VEGFD: variants seen among roughly 807,000 people sequenced by gnomAD.
VEGFD encodes the protein vascular endothelial growth factor D, also known as c-fos induced growth factor (vascular endothelial growth factor D).
In VEGFD, 26 loss-of-function variants were observed where a neutral mutation model predicts 28.0. That is an observed-to-expected ratio of 0.93 (90% CI 0.68 to 1.29). The LOEUF is 1.29. Ranked by LOEUF, VEGFD falls within the 50% of genes most tolerant of loss-of-function variation. The pLI is 0.00. For synonymous variants in VEGFD, 93 were observed against 95.5 expected (o/e 0.97, Z 0.15); for missense variants, 294 against 273.4 (o/e 1.08, Z -0.53).
chrX:15,365,157 G>A (rs1000438451), intron 1 of VEGFD, among the ~76,000 whole-genome samples: 2 of 111,965 alleles, frequency 1.8e-5, no homozygotes, highest in African/African-American at 3.2e-5. Flanking sequence ...TTTCGAGACC[G>A]AGTCTGGCTC....
intron 1 of VEGFD, among the ~76,000 whole-genome samples, chrX:15,366,428 TG>T (rs1318297054): frequency 8.9e-6 from 1 of 112,675 alleles, no homozygotes; most frequent in Non-Finnish European, 1.9e-5. Flanking sequence ...TGACATATAC[TG>T]ATTATTCATT....
chrX:15,351,027 ATTTTTTTTTTTTTTTTT>A (rs35997805), intron 5 of VEGFD, among the ~76,000 whole-genome samples: 14 of 14,755 alleles, frequency 9.5e-4, no homozygotes, highest in South Asian at 0.011. Context: ...ATGCCCAGCT[ATTTTTTTTTTTTTTTTT>A]TTTTTTTTTT....
intron 1 of VEGFD, 60 bp from the exon 2 acceptor site, chrX:15,363,379 T>C: frequency 2.1e-6 from 2 of 946,692 alleles, no homozygotes; most frequent in Non-Finnish European, 3.0e-6. Flanking sequence ...TTTGTCATAA[T>C]AATCTTCATT....
chrX:15,351,021 C>T (rs1446554113), intron 5 of VEGFD, among the ~76,000 whole-genome samples: 1 of 69,740 alleles, frequency 1.4e-5, no homozygotes, highest in African/African-American at 5.9e-5. Flanking sequence ...ATCACCATGC[C>T]CAGCTATTTT....
chrX:15,382,605 G>A (rs1160945983), intron 1 of VEGFD, among the ~76,000 whole-genome samples: 2 of 111,697 alleles, frequency 1.8e-5, no homozygotes, highest in African/African-American at 3.3e-5. Context: ...AAGTCAGACC[G>A]TTTTCTCCTG....
chrX:15,350,009 G>A (rs941850509), intron 5 of VEGFD, among the ~76,000 whole-genome samples: 6 of 110,017 alleles, frequency 5.5e-5, no homozygotes, highest in Admixed American at 2.9e-4. Flanking sequence ...TCCCTGCCCC[G>A]AGTCAACACA....
intron 1 of VEGFD, among the ~76,000 whole-genome samples, chrX:15,377,951 C>T (rs773299699): frequency 1.8e-5 from 2 of 111,876 alleles, no homozygotes; most frequent in East Asian, 5.6e-4. Context: ...TTTGTTTTCA[C>T]AGCATATCCT....
Position 15,363,316 on chromosome X carries a change from A to G in VEGFD, c.94T>C (p.Ser32Pro). ...GATCGTTCCAATGTGGACTGAGATGATCGCTTAAAAAAACAAAAATACCAG... is the reference window on the plus strand; with the variant it reads ...GATCGTTCCAATGTGGACTGAGATGGTCGCTTAAAAAAACAAAAATACCAG... ...SSNEHGPVKR[S>P]SQSTLERSEQ... Residue 32 changes from serine (S) to proline (P), a missense_variant, in exon 2 of 7, where the codon TCA becomes CCA. Transcript: ENST00000297904. 8.4e-7 allele frequency: 1 copy of G among 1,197,127 alleles called. No individual in the cohort carries two copies.
At chrX:15,368,129 GAGAA>G (rs369852234) in intron 1 of VEGFD, among the ~76,000 whole-genome samples, 21 of 103,928 alleles carry the variant, frequency 2.0e-4, no homozygotes, top group Admixed American at 3.1e-4. Context: ...AGGAGAGAAA[GAGAA>G]AGAAAGAAAG....
At position 15,365,293 on chromosome X, in the gene VEGFD, C is replaced by G. The variant is rs973279330; in HGVS notation, c.91-1974G>C. Among the ~76,000 whole-genome samples, 4 of 111,205 alleles carry G rather than the reference C, an allele frequency of 3.6e-5. No individual in the cohort carries two copies. The East Asian group carries it at 1.1e-3, about 31-fold the overall frequency. ...GACTACAGGAGCCTGCCACCATGCC[C>G]GGCTAATTTTTGTACTTTTAGTAGA... On this transcript the variant is annotated intron_variant, in intron 1 of 6. Transcript: ENST00000297904.
chrX:15,353,063 A>G lies in VEGFD; in HGVS notation c.742+5T>C, dbSNP rs371244881. On this transcript the variant is annotated splice_donor_5th_base_variant and intron_variant, in intron 5 of 6. Transcript: ENST00000297904. ...CTGTTATTATTTTACTACTACTATC[A>G]TTACCTTCTGTTCCAGCAAGTGGAT... 20 of 1,116,706 alleles carry G rather than the reference A, an allele frequency of 1.8e-5. No homozygotes were observed. The highest frequency in any genetic ancestry group is 2.4e-5 in the Non-Finnish European group (20 of 822,271). The allele number at this position is 1,116,706 out of a possible 1,213,427, so 92.0% of individuals were successfully genotyped here.
At chrX:15,372,872 C>T (rs1006396322) in intron 1 of VEGFD, among the ~76,000 whole-genome samples, 4 of 111,622 alleles carry the variant, frequency 3.6e-5, no homozygotes, top group African/African-American at 1.3e-4. Flanking sequence ...AAATCCTTTT[C>T]CTATCTCAAG....
intron 1 of VEGFD, 28 bp downstream of exon 1, chrX:15,383,829 C>T: frequency 9.0e-7 from 1 of 1,114,066 alleles, no homozygotes; most frequent in South Asian, 1.8e-5. Context: ...AAAAGAACTT[C>T]ATCACATTAA....
In VEGFD at chrX:15,355,218, G is replaced by C; in HGVS notation, c.573C>G (p.Cys191Trp). The C allele has an allele frequency of 8.3e-7, 1 of 1,205,884 alleles. No individual in the cohort carries two copies. Among genetic ancestry groups the C allele is most frequent in the Non-Finnish European group, 1.1e-6 (1 of 892,770 alleles). The change falls in exon 4 of 7, where the codon TGC (cysteine) becomes TGG (tryptophan). Residue 191 changes from cysteine to tryptophan, a missense_variant. Transcript: ENST00000297904. ...VKVANHTGCK[C>W]LPTAPRHPYS... ...ATGGATGGCGGGGGGCTGTTGGCAA[G>C]CACTTACAACCTGTATGATTGGCAA...
At chrX:15,383,766 T>C in intron 1 of VEGFD, 91 bp downstream of exon 1, 2 of 661,527 alleles carry the variant, frequency 3.0e-6, no homozygotes, top group Non-Finnish European at 5.0e-6. Flanking sequence ...TCTGCATTTT[T>C]ATATTGTTTC....
chrX:15,368,076 AAG>A (rs1923214328), intron 1 of VEGFD, among the ~76,000 whole-genome samples: 1 of 105,331 alleles, frequency 9.5e-6, no homozygotes, highest in Non-Finnish European at 2.0e-5. Flanking sequence ...GAAAGAAAGA[AAG>A]AAAGAAAAGA....
intron 2 of VEGFD, among the ~76,000 whole-genome samples, chrX:15,359,362 C>CTTTTTTTT (rs1171408211): frequency 3.2e-5 from 2 of 62,877 alleles, no homozygotes; most frequent in African/African-American, 6.6e-5. Flanking sequence ...CACTTGCAGG[C>CTTTTTTTT]TTTTTTTTTT....
At chrX:15,375,260 G>A (rs1042726055) in intron 1 of VEGFD, among the ~76,000 whole-genome samples, 1 of 112,333 alleles carries the variant, frequency 8.9e-6, no homozygotes, top group Non-Finnish European at 1.9e-5. Flanking sequence ...TCAGATAGAA[G>A]ATGAATTTTA....
intron 1 of VEGFD, among the ~76,000 whole-genome samples, chrX:15,380,529 A>G (rs1569189072): frequency 8.9e-6 from 1 of 112,824 alleles, no homozygotes; most frequent in Admixed American, 9.4e-5. Context: ...GGGAAGATAA[A>G]GCAGAAAGAA....
Sources: allele counts gnomAD v4.1 joint callset (sites outside exome capture counted in the v4.1 genomes callset), GRCh38; gene constraint gnomAD v4.1.1; transcripts MANE v1.5; gene names NCBI Gene and HGNC (gene_info 2026-07-23, HGNC 2026-07-21).